TRPC4: variants seen among roughly 807,000 people sequenced by gnomAD.
TRPC4 encodes short transient receptor potential channel 4.
TRPC4 carries 49 observed loss-of-function variants against 99.4 expected under a neutral mutation model. The ratio of observed to expected loss-of-function variants is 0.49; its 90% confidence interval spans 0.39 to 0.63. TRPC4 has a LOEUF of 0.63. Ranked by LOEUF, TRPC4 falls within the 20% of genes least tolerant of loss-of-function variation. The pLI is 0.00. For missense variants in TRPC4, 898 were observed against 1,152.9 expected (o/e 0.78, Z 3.20); for synonymous variants, 454 against 425.9 (o/e 1.07, Z -0.81).
At chr13:37,713,917 A>G (rs982645111) in intron 3 of TRPC4, among the ~76,000 whole-genome samples, 7 of 152,018 alleles carry the variant, frequency 4.6e-5, no homozygotes, top group African/African-American at 1.4e-4. Context: ...CTTTGTTTCT[A>G]TTTCAACTTT....
chr13:37,768,663 AACACACACGCAC>A (rs1555269347), intron 2 of TRPC4, among the ~76,000 whole-genome samples: 14,439 of 142,690 alleles, frequency 0.1, 1,008 homozygotes, highest in African/African-American at 0.2. Context: ...CACACATACG[AACACACACGCAC>A]ACACACACAC....
chr13:37,782,600 A>G (rs1956868322), intron 2 of TRPC4, among the ~76,000 whole-genome samples: 1 of 152,104 alleles, frequency 6.6e-6, no homozygotes, highest in African/African-American at 2.4e-5. Context: ...AAGAAAATGA[A>G]AGGCAAGAGG....
intron 2 of TRPC4, among the ~76,000 whole-genome samples, chr13:37,761,067 C>T (rs1956209668): frequency 6.6e-6 from 1 of 151,936 alleles, no homozygotes; most frequent in Non-Finnish European, 1.5e-5. Context: ...AGAAAAAGGA[C>T]ACGTGTTGAT....
intron 3 of TRPC4, among the ~76,000 whole-genome samples, chr13:37,735,264 TA>T (rs1410654185): frequency 5.3e-5 from 8 of 152,130 alleles, no homozygotes; most frequent in South Asian, 4.1e-4. Context: ...AGCAGAAGTT[TA>T]TATCTCAAAA....
chr13:37,777,217 G>A (rs1326131067), intron 2 of TRPC4, among the ~76,000 whole-genome samples: 1 of 151,880 alleles, frequency 6.6e-6, no homozygotes, highest in Admixed American at 6.6e-5. Flanking sequence ...AGAACTACCT[G>A]AGACTGGGTA....
chr13:37,735,778 A>AT (rs1352599891), intron 3 of TRPC4, among the ~76,000 whole-genome samples: 1 of 152,186 alleles, frequency 6.6e-6, no homozygotes, highest in Non-Finnish European at 1.5e-5. Flanking sequence ...GCTTATGTAC[A>AT]TTTTCTCAGG....
chr13:37,862,387 A>T (rs940417584), intron 1 of TRPC4, among the ~76,000 whole-genome samples: 23 of 151,590 alleles, frequency 1.5e-4, no homozygotes, highest in Non-Finnish European at 3.0e-4. Flanking sequence ...TATAAAAGGA[A>T]AACACTGTTT....
intron 1 of TRPC4, among the ~76,000 whole-genome samples, chr13:37,838,734 T>C (rs928318603): frequency 5.9e-5 from 9 of 152,202 alleles, no homozygotes; most frequent in Admixed American, 5.2e-4. Context: ...ATATTTTAGG[T>C]ATATTCTTAC....
chr13:37,766,304 A>T (rs933276563), intron 2 of TRPC4, among the ~76,000 whole-genome samples: 1 of 151,478 alleles, frequency 6.6e-6, no homozygotes, highest in African/African-American at 2.4e-5. Context: ...AATGTAGAAC[A>T]CGCAGAATAT....
At chr13:37,867,067 T>C (rs913844159) in intron 1 of TRPC4, among the ~76,000 whole-genome samples, 3 of 151,754 alleles carry the variant, frequency 2.0e-5, no homozygotes, top group Non-Finnish European at 4.4e-5. Flanking sequence ...ATGGCAATGA[T>C]GGTTTTGGAA....
At chr13:37,675,221 C>A (rs1953005614) in intron 4 of TRPC4, among the ~76,000 whole-genome samples, 1 of 152,148 alleles carries the variant, frequency 6.6e-6, no homozygotes, top group Admixed American at 6.5e-5. Context: ...ATTATCCCTA[C>A]ACTGACTCAA....
At chr13:37,781,695 T>C (rs1449156435) in intron 2 of TRPC4, among the ~76,000 whole-genome samples, 3 of 152,036 alleles carry the variant, frequency 2.0e-5, no homozygotes, top group Non-Finnish European at 2.9e-5. Context: ...AACAACAAAA[T>C]GCCAGCAAAG....
rs1321258988 is a variant in TRPC4 at position 37,655,100 on chromosome 13, G to C, written c.1872C>G (p.Tyr624Ter). 1 of 1,553,934 alleles carries C rather than the reference G, an allele frequency of 6.4e-7. No homozygotes were observed. Among genetic ancestry groups the C allele is most frequent in the Admixed American group, 1.8e-5 (1 of 54,208 alleles). ...NMLIAMMNNS[Y>*]QLIADHADIE... is the part of the protein sequence containing the mutation. ...CTGGTCAACTTACAGCAATCAGTTG[G>C]TAAGAATTATTCATCATAGCTATTA... is the stretch of plus-strand genomic sequence containing the variant. The change falls in exon 7 of 11, where the codon TAC becomes TAG. Residue 624 changes from tyrosine to a stop codon, truncating the protein, a stop_gained. Coordinates refer to ENST00000379705, the MANE Select transcript of TRPC4 (RefSeq NM_016179.4). LOFTEE classifies it high-confidence loss of function.
chr13:37,666,058 A>G (rs1462904548), intron 5 of TRPC4, among the ~76,000 whole-genome samples: 1 of 152,192 alleles, frequency 6.6e-6, no homozygotes, highest in Non-Finnish European at 1.5e-5. Flanking sequence ...GGAAACAACC[A>G]TTGGAAGTTA....
chr13:37,718,889 A>ATCCC (rs1241127565), intron 3 of TRPC4, among the ~76,000 whole-genome samples: 1 of 152,118 alleles, frequency 6.6e-6, no homozygotes, highest in Non-Finnish European at 1.5e-5. Context: ...TTTCCTCCAA[A>ATCCC]TTGTTGAAAT....
chr13:37,749,620 C>T (rs1036543354), intron 2 of TRPC4, among the ~76,000 whole-genome samples: 9 of 152,080 alleles, frequency 5.9e-5, no homozygotes, highest in African/African-American at 1.7e-4. Flanking sequence ...TTGCCTGTTA[C>T]GGAGTACTAA....
chr13:37,807,132 A>G (rs1957547431), intron 1 of TRPC4, among the ~76,000 whole-genome samples: 1 of 152,088 alleles, frequency 6.6e-6, no homozygotes, highest in Non-Finnish European at 1.5e-5. Context: ...TATATTTGAT[A>G]AGGACTTCAA....
intron 1 of TRPC4, among the ~76,000 whole-genome samples, chr13:37,865,252 A>G (rs1384186808): frequency 6.6e-6 from 1 of 151,742 alleles, no homozygotes; most frequent in East Asian, 1.9e-4. Context: ...ACACTTGTCT[A>G]GAAATTTTAC....
intron 2 of TRPC4, among the ~76,000 whole-genome samples, chr13:37,751,451 T>C (rs1276565753): frequency 6.6e-6 from 1 of 152,112 alleles, no homozygotes; most frequent in Admixed American, 6.6e-5. Context: ...ACTGTATGGT[T>C]AACCAGCTAA....
Sources: gnomAD v4.1 joint callset for allele counts (sites outside exome capture counted in the v4.1 genomes callset) on GRCh38, gnomAD v4.1.1 for gene constraint, MANE v1.5 for transcripts, NCBI Gene and HGNC (gene_info 2026-07-23, HGNC 2026-07-21) for gene names.